Variants in TYW1 observed in about 807,000 individuals in gnomAD.
TYW1 encodes the protein tRNA-yW synthesizing protein 1 homolog.
In TYW1, 46 loss-of-function variants were observed where a neutral mutation model predicts 96.2. That is an observed-to-expected ratio of 0.48 (90% CI 0.38 to 0.61). The LOEUF is 0.61. Among genes scored for constraint, TYW1 ranks in the 20% least tolerant of loss-of-function variants. The pLI is 0.00. For synonymous variants in TYW1, 274 were observed against 323.0 expected (o/e 0.85, Z 1.63); for missense variants, 684 against 909.6 (o/e 0.75, Z 3.19).
Position 66,996,988 on chromosome 7 carries a change from G to C in TYW1, c.4+6G>C. The C allele has an allele frequency of 6.2e-7, 1 of 1,614,154 alleles. No homozygotes were observed. The highest frequency in any genetic ancestry group is 8.5e-7 in the Non-Finnish European group (1 of 1,180,018). On this transcript the variant is annotated splice_donor_region_variant and intron_variant, in intron 1 of 15. Transcript: ENST00000359626. ...GTCGGCTCTGAGGAGGATGGGTAAG[G>C]GCACTCGGCGGGCAAGGACCCTGGG...
chr7:67,032,533 A>G (rs1344397847), intron 7 of TYW1, among the ~76,000 whole-genome samples: 1 of 152,164 alleles, frequency 6.6e-6, no homozygotes, highest in Non-Finnish European at 1.5e-5. Context: ...AGGTAGGAGA[A>G]TCGCTTGAGC....
At chr7:67,222,495 T>C (rs956748606) in intron 15 of TYW1, among the ~76,000 whole-genome samples, 2 of 152,210 alleles carry the variant, frequency 1.3e-5, no homozygotes, top group African/African-American at 4.8e-5. Context: ...TTCAGCACTT[T>C]AAACATTATT....
At chr7:67,183,689 C>T (rs541349447) in intron 14 of TYW1, among the ~76,000 whole-genome samples, 174 of 142,524 alleles carry the variant, frequency 1.2e-3, no homozygotes, top group African/African-American at 4.3e-3. Context: ...TCAATTATAC[C>T]TTTACCCATT....
At chr7:67,203,014 ATG>A (rs1800651885) in intron 15 of TYW1, among the ~76,000 whole-genome samples, 1 of 152,208 alleles carries the variant, frequency 6.6e-6, no homozygotes, top group Non-Finnish European at 1.5e-5. Flanking sequence ...ATGCATTCAC[ATG>A]TGTGTGTTTA....
intron 15 of TYW1, among the ~76,000 whole-genome samples, chr7:67,223,973 C>T (rs1563079020): frequency 1.3e-5 from 2 of 151,954 alleles, no homozygotes; most frequent in African/African-American, 4.8e-5. Context: ...TCTACTCCAG[C>T]ATCTTCCCAG....
chr7:67,060,579 A>G (rs1584513057), intron 9 of TYW1, among the ~76,000 whole-genome samples: 1 of 152,244 alleles, frequency 6.6e-6, no homozygotes, highest in Non-Finnish European at 1.5e-5. Flanking sequence ...AGAGGAATTT[A>G]TCCAGGTACA....
chr7:67,081,706 C>T (rs941514022), intron 10 of TYW1, among the ~76,000 whole-genome samples: 3 of 150,664 alleles, frequency 2.0e-5, no homozygotes, highest in Non-Finnish European at 4.4e-5. Context: ...TCTTCCTTCT[C>T]CCTTCTCTCT....
At chr7:67,177,673 G>GC (rs1295904060) in intron 13 of TYW1, among the ~76,000 whole-genome samples, 1 of 152,204 alleles carries the variant, frequency 6.6e-6, no homozygotes, top group Non-Finnish European at 1.5e-5. Flanking sequence ...GTGAAAACTA[G>GC]CAACACTAAG....
At chr7:67,142,313 A>G (rs866917468) in intron 13 of TYW1, among the ~76,000 whole-genome samples, 6 of 152,138 alleles carry the variant, frequency 3.9e-5, no homozygotes, top group Admixed American at 6.5e-5. Flanking sequence ...TGTGTTGCAT[A>G]GGCTGGTCTT....
chr7:67,068,965 T>A (rs1345043799), intron 10 of TYW1, among the ~76,000 whole-genome samples: 1 of 152,270 alleles, frequency 6.6e-6, no homozygotes, highest in African/African-American at 2.4e-5. Flanking sequence ...CTATTGATTA[T>A]GTTTCAGATT....
intron 3 of TYW1, among the ~76,000 whole-genome samples, chr7:67,000,178 T>G (rs1395750289): frequency 6.6e-6 from 1 of 152,104 alleles, no homozygotes; most frequent in Non-Finnish European, 1.5e-5. Flanking sequence ...TCAAGCAATC[T>G]GCCCGCCTCG....
At chr7:67,162,543 T>C (rs1394655829) in intron 13 of TYW1, among the ~76,000 whole-genome samples, 1 of 152,150 alleles carries the variant, frequency 6.6e-6, no homozygotes, top group Non-Finnish European at 1.5e-5. Context: ...TTACTTTGTC[T>C]CAGTCGTTTT....
chr7:67,075,068 C>T (rs1169328901), intron 10 of TYW1, among the ~76,000 whole-genome samples: 1 of 152,146 alleles, frequency 6.6e-6, no homozygotes, highest in Non-Finnish European at 1.5e-5. Flanking sequence ...TAAACTACAA[C>T]ATGATGTACA....
chr7:67,149,991 TCTC>T (rs1321928804), intron 13 of TYW1, among the ~76,000 whole-genome samples: 1 of 151,834 alleles, frequency 6.6e-6, no homozygotes. Context: ...CTTCTTTTCT[TCTC>T]CTGGCTTATG....
intron 12 of TYW1, among the ~76,000 whole-genome samples, chr7:67,116,564 A>G (rs1405819196): frequency 6.6e-6 from 1 of 151,952 alleles, no homozygotes; most frequent in Non-Finnish European, 1.5e-5. Context: ...TGGCACATGC[A>G]TGTGGTCCCA....
At position 67,188,738 on chromosome 7, in the gene TYW1, T is replaced by G. The variant is rs1449942619; in HGVS notation, c.1809+5502T>G. 5.9e-5 allele frequency among the ~76,000 whole-genome samples: 9 copies of G among 152,262 alleles called. No individual in the cohort carries two copies. In the East Asian group the frequency reaches 1.7e-3, roughly 29 times the overall value. On this transcript the variant is annotated intron_variant, in intron 14 of 15. Coordinates refer to ENST00000359626, the MANE Select transcript of TYW1 (RefSeq NM_018264.4). Reference sequence around the variant, plus strand: ...CCTTACCCTCAAATGGCCTTGGAATTCAAATTTAGTATTATGGTACCTCAA... The same window carrying G: ...CCTTACCCTCAAATGGCCTTGGAATGCAAATTTAGTATTATGGTACCTCAA...
intron 13 of TYW1, among the ~76,000 whole-genome samples, chr7:67,145,495 T>C (rs905223150): frequency 7.2e-5 from 11 of 152,144 alleles, no homozygotes; most frequent in Non-Finnish European, 1.3e-4. Flanking sequence ...GTGTAACACA[T>C]TTTAATTTTT....
intron 8 of TYW1, among the ~76,000 whole-genome samples, chr7:67,051,412 A>G (rs967760779): frequency 6.6e-6 from 1 of 152,138 alleles, no homozygotes; most frequent in Non-Finnish European, 1.5e-5. Context: ...GGCTCAAGGA[A>G]TCCTCCTGCC....
chr7:67,090,175 A>G (rs1250282986), intron 11 of TYW1, among the ~76,000 whole-genome samples: 1 of 152,216 alleles, frequency 6.6e-6, no homozygotes, highest in East Asian at 1.9e-4. Context: ...GAAAATGTGA[A>G]GGTGGGGAAG....
Sources: gnomAD v4.1 joint callset for allele counts (sites outside exome capture counted in the v4.1 genomes callset) on GRCh38, gnomAD v4.1.1 for gene constraint, MANE v1.5 for transcripts, NCBI Gene and HGNC (gene_info 2026-07-23, HGNC 2026-07-21) for gene names.